Variants in TLE4 observed in about 807,000 individuals in gnomAD.
TLE4 encodes TLE family member 4, transcriptional corepressor.
A neutral mutation model predicts 92.8 loss-of-function variants in TLE4; 8 were observed. The observed-to-expected ratio is 0.09, with a 90% confidence interval of 0.05 to 0.16. TLE4 has a LOEUF of 0.16. Ranked by LOEUF, TLE4 falls within the 10% of genes least tolerant of loss-of-function variation. TLE4 has a pLI of 1.00. For missense variants in TLE4, 675 were observed against 997.6 expected, an observed-to-expected ratio of 0.68 and a Z score of 4.36; for synonymous variants, 371 against 374.1, an observed-to-expected ratio of 0.99 and a Z score of 0.10.
At chr9:79,607,265 G>T (rs1247543101) in intron 4 of TLE4, among the ~76,000 whole-genome samples, 1 of 152,088 alleles carries the variant, frequency 6.6e-6, no homozygotes, top group African/African-American at 2.4e-5. Context: ...GTAGATTCTG[G>T]ATATTAGCCT....
intron 8 of TLE4, among the ~76,000 whole-genome samples, chr9:79,694,665 GACT>G (rs2067831518): frequency 6.6e-6 from 1 of 151,864 alleles, no homozygotes; most frequent in African/African-American, 2.4e-5. Flanking sequence ...AGTCATCTAT[GACT>G]TAAATATCAA....
At chr9:79,576,880 A>G (rs1337599391) in intron 4 of TLE4, 2 of 151,826 alleles carry the variant, frequency 1.3e-5, no homozygotes, top group African/African-American at 4.8e-5. Context: ...TGTGCAGGAG[A>G]CTGAATAAAA....
intron 6 of TLE4, among the ~76,000 whole-genome samples, chr9:79,650,466 A>G (rs929870776): frequency 1.2e-4 from 19 of 152,292 alleles, no homozygotes; most frequent in African/African-American, 2.9e-4. Flanking sequence ...AATTTAGAGG[A>G]GAAAGAATTG....
intron 4 of TLE4, among the ~76,000 whole-genome samples, chr9:79,608,102 A>G (rs1307300136): frequency 2.0e-5 from 3 of 152,150 alleles, no homozygotes; most frequent in African/African-American, 4.8e-5. Context: ...TTCCAACACT[A>G]TGTTGAATAG....
At chr9:79,583,766 T>C (rs2132091904) in intron 4 of TLE4, among the ~76,000 whole-genome samples, 1 of 152,314 alleles carries the variant, frequency 6.6e-6, no homozygotes, top group East Asian at 1.9e-4. Flanking sequence ...AGAATAGTCA[T>C]AGTAGAAATT....
At chr9:79,591,964 A>C (rs1326613406) in intron 4 of TLE4, among the ~76,000 whole-genome samples, 1 of 152,142 alleles carries the variant, frequency 6.6e-6, no homozygotes, top group Admixed American at 6.5e-5. Flanking sequence ...TGCCAAATTT[A>C]TAATCCTTCC....
chr9:79,628,181 A>G (rs118018828), intron 6 of TLE4, among the ~76,000 whole-genome samples: 14 of 152,076 alleles, frequency 9.2e-5, no homozygotes, highest in African/African-American at 2.9e-4. Context: ...AGAGCATAAT[A>G]TTCACCTCTC....
chr9:79,647,472 A>G (rs182831993), intron 6 of TLE4, among the ~76,000 whole-genome samples: 18 of 152,316 alleles, frequency 1.2e-4, no homozygotes, highest in Admixed American at 2.6e-4. Flanking sequence ...TTCGATCACT[A>G]AAAATATCAG....
At chr9:79,697,450 G>T (rs2068571512) in intron 8 of TLE4, among the ~76,000 whole-genome samples, 1 of 151,930 alleles carries the variant, frequency 6.6e-6, no homozygotes, top group Non-Finnish European at 1.5e-5. Flanking sequence ...TTTCTTCCTT[G>T]TGTGGCCCAA....
chr9:79,662,172 G>T (rs1165097685), intron 8 of TLE4, among the ~76,000 whole-genome samples: 1 of 152,184 alleles, frequency 6.6e-6, no homozygotes, highest in Non-Finnish European at 1.5e-5. Context: ...AACTTTCTAA[G>T]ATATGGTGAT....
intron 4 of TLE4, among the ~76,000 whole-genome samples, chr9:79,611,936 TAA>T (rs34106000): frequency 1.1e-3 from 85 of 78,398 alleles, no homozygotes; most frequent in South Asian, 4.3e-3. Flanking sequence ...ATATCCACAG[TAA>T]AAAAAAAAAA....
intron 14 of TLE4, among the ~76,000 whole-genome samples, chr9:79,714,993 T>C (rs2074197372): frequency 6.6e-6 from 1 of 152,204 alleles, no homozygotes. Flanking sequence ...CTTCTATGTA[T>C]ACTAATAGCA....
chr9:79,649,279 C>T (rs536020578), intron 6 of TLE4, among the ~76,000 whole-genome samples: 1,653 of 145,264 alleles, frequency 0.011, 36 homozygotes, highest in African/African-American at 0.038. Flanking sequence ...CATACACACA[C>T]ACACACACAC....
intron 10 of TLE4, 46 bp downstream of exon 10, chr9:79,705,988 C>T: frequency 6.4e-7 from 1 of 1,553,250 alleles, no homozygotes; most frequent in Non-Finnish European, 8.9e-7. Flanking sequence ...CCAGCCATAT[C>T]AAAGACTAGT....
chr9:79,586,009 G>A (rs1168117049), intron 4 of TLE4, among the ~76,000 whole-genome samples: 1 of 152,116 alleles, frequency 6.6e-6, no homozygotes, highest in Non-Finnish European at 1.5e-5. Flanking sequence ...TAATATAAAA[G>A]TATATATAAC....
At chr9:79,577,036 T>G (rs998625175) in intron 4 of TLE4, among the ~76,000 whole-genome samples, 1 of 152,068 alleles carries the variant, frequency 6.6e-6, no homozygotes, top group African/African-American at 2.4e-5. Context: ...AGCATTTATT[T>G]TTAGTGATCT....
chr9:79,603,189 A>G (rs1410412826), intron 4 of TLE4, among the ~76,000 whole-genome samples: 1 of 152,196 alleles, frequency 6.6e-6, no homozygotes, highest in African/African-American at 2.4e-5. Context: ...ACATCAACTT[A>G]GTTGATAAAG....
chr9:79,677,748 A>G (rs576996154), intron 8 of TLE4, among the ~76,000 whole-genome samples: 1 of 152,056 alleles, frequency 6.6e-6, no homozygotes, highest in Admixed American at 6.6e-5. Flanking sequence ...GCATCTTCAC[A>G]ACTATCCTGT....
intron 8 of TLE4, among the ~76,000 whole-genome samples, chr9:79,675,941 A>G (rs1406774402): frequency 6.6e-6 from 1 of 152,078 alleles, no homozygotes; most frequent in East Asian, 1.9e-4. Flanking sequence ...CGCAATGAAC[A>G]TTTCCCTTGA....
Sources: gnomAD v4.1 joint callset for allele counts (sites outside exome capture counted in the v4.1 genomes callset) on GRCh38, gnomAD v4.1.1 for gene constraint, MANE v1.5 for transcripts, NCBI Gene and HGNC (gene_info 2026-07-23, HGNC 2026-07-21) for gene names.